The following ART4 variants were observed in gnomAD, a reference collection of about 807,000 sequenced individuals.
The protein encoded by ART4 is ADP-ribosyltransferase 4 (inactive) (Dombrock blood group), also known as ecto-ADP-ribosyltransferase 4.
ART4 carries 14 observed loss-of-function variants against 24.2 expected under a neutral mutation model. The ratio of observed to expected loss-of-function variants is 0.58; its 90% CI spans 0.38 to 0.90. The LOEUF (loss-of-function observed/expected upper bound fraction) is 0.90. ART4 is among the 40% of genes least tolerant of loss of function. The pLI is 0.00. For missense variants in ART4, 356 were observed against 366.6 expected, an observed-to-expected ratio of 0.97 and a Z score of 0.24; for synonymous variants, 145 against 139.9, an observed-to-expected ratio of 1.04 and a Z score of -0.26.
intron 1 of ART4, among the ~76,000 whole-genome samples, chr12:14,841,950 C>G (rs1008698422): frequency 1.1e-4 from 16 of 152,194 alleles, no homozygotes; most frequent in Admixed American, 2.0e-4. Context: ...CCCATGTTAC[C>G]AGTCAAGTAC....
chr12:14,835,291 G>A (rs190090326), intron 2 of ART4, among the ~76,000 whole-genome samples: 260 of 152,290 alleles, frequency 1.7e-3, no homozygotes, highest in Non-Finnish European at 2.9e-3. Context: ...CCTAGGCTGG[G>A]GTTAGTGGAG....
intron 2 of ART4, among the ~76,000 whole-genome samples, chr12:14,838,036 C>G (rs868091988): frequency 6.6e-6 from 1 of 152,094 alleles, no homozygotes; most frequent in African/African-American, 2.4e-5. Context: ...AGTTCCTGCC[C>G]CCAGGGAGCT....
chr12:14,832,662 T>C (rs1950404568), intron 2 of ART4, among the ~76,000 whole-genome samples: 1 of 152,228 alleles, frequency 6.6e-6, no homozygotes, highest in Non-Finnish European at 1.5e-5. Flanking sequence ...CAATAAATAC[T>C]GATTTGTTGA....
intron 2 of ART4, among the ~76,000 whole-genome samples, chr12:14,839,302 C>G (rs1363846063): frequency 6.6e-6 from 1 of 152,200 alleles, no homozygotes; most frequent in Non-Finnish European, 1.5e-5. Context: ...CACCAGCCAT[C>G]CAGAATTTCA....
Position 14,843,164 on chromosome 12 carries a change from A to G in ART4, c.-51T>C, listed in dbSNP as rs745325852. 2 of 1,606,732 alleles carry G rather than the reference A, an allele frequency of 1.2e-6. No homozygotes were observed. The highest frequency in any genetic ancestry group is 2.7e-5 in the African/African-American group (2 of 74,756). Reference sequence around the variant, plus strand: ...TTTGCCCTTGCAGCTTCATCCTGAGATGAATTCTCAGAGTTCTCCTTTGAG... The same window carrying G: ...TTTGCCCTTGCAGCTTCATCCTGAGGTGAATTCTCAGAGTTCTCCTTTGAG... On this transcript the variant is annotated 5_prime_UTR_variant, in exon 1 of 3. Coordinates refer to ENST00000228936, the MANE Select transcript of ART4 (RefSeq NM_021071.4).
rs1203351836 is a variant in ART4, at chr12:14,843,292, C to T, written c.-179G>A. On this transcript the variant is annotated 5_prime_UTR_variant, in exon 1 of 3. Coordinates refer to ENST00000228936, the MANE Select transcript of ART4 (RefSeq NM_021071.4). ...TAGCTTGTCTGAGGGAAGAAATCAA[C>T]TCCGACTTCTTTGCAAAACTGAAAT... The T allele has an allele frequency of 3.1e-6, 2 of 653,238 alleles. No individual in the cohort carries two copies. Among genetic ancestry groups the T allele is most frequent in the Non-Finnish European group, 2.5e-6 (1 of 395,752 alleles). The allele number at this position is 653,238 out of a possible 1,614,324, so 40.5% of individuals were successfully genotyped here.
intron 2 of ART4, among the ~76,000 whole-genome samples, chr12:14,836,761 C>T (rs555562997): frequency 2.0e-5 from 3 of 152,280 alleles, no homozygotes; most frequent in Non-Finnish European, 4.4e-5. Flanking sequence ...TATTCCTCTC[C>T]TTCTTTTACC....
intron 1 of ART4, among the ~76,000 whole-genome samples, chr12:14,842,323 A>G (rs890412797): frequency 2.6e-5 from 4 of 152,194 alleles, no homozygotes; most frequent in African/African-American, 7.2e-5. Flanking sequence ...AGAACATCCC[A>G]TTTGGTATTT....
chr12:14,837,759 C>T (rs994928435), intron 2 of ART4, among the ~76,000 whole-genome samples: 2 of 152,188 alleles, frequency 1.3e-5, no homozygotes, highest in South Asian at 2.1e-4. Context: ...AATTGATCCA[C>T]CCACCTCGGC....
At chr12:14,836,508 T>C (rs182802218) in intron 2 of ART4, among the ~76,000 whole-genome samples, 3 of 152,344 alleles carry the variant, frequency 2.0e-5, no homozygotes, top group Admixed American at 1.3e-4. Context: ...TAGGAATTCT[T>C]TATCTCTGGA....
Position 14,840,932 on chromosome 12 carries a change from A to G in ART4, c.366T>C (p.Ala122=), listed in dbSNP as rs773617232. ...TGCTGTTCAATGTATAAAACAAAAT[A>G]GCCACAGCGTGTGTGGTAGTCATGT... is the stretch of plus-strand genomic sequence containing the variant. The part of the protein sequence containing the change: ...PQNMTTTHAV[A]ILFYTLNSNV... The change falls in exon 2 of 3, where the codon GCT becomes GCC. Residue 122 remains alanine (A), a synonymous_variant. Transcript: ENST00000228936. 16 of 1,614,106 alleles carry G rather than the reference A, an allele frequency of 9.9e-6. No homozygotes were observed. The highest frequency in any genetic ancestry group is 3.3e-4 in the Middle Eastern group (2 of 6,084).
chr12:14,837,792 G>A (rs965207398), intron 2 of ART4, among the ~76,000 whole-genome samples: 1 of 152,160 alleles, frequency 6.6e-6, no homozygotes, highest in African/African-American at 2.4e-5. Context: ...TGGGATTACG[G>A]GTGTGAGCCA....
At chr12:14,829,803 C>T (rs1276038426) in intron 2 of ART4, among the ~76,000 whole-genome samples, 1 of 152,162 alleles carries the variant, frequency 6.6e-6, no homozygotes, top group African/African-American at 2.4e-5. Context: ...TGAAAGTTAA[C>T]ACAGACTGAA....
At position 14,829,400 on chromosome 12, in the gene ART4, C is replaced by T; in HGVS notation, c.916G>A (p.Val306Ile). The T allele has an allele frequency of 6.2e-7, 1 of 1,606,310 alleles. No individual in the cohort carries two copies. Among genetic ancestry groups the T allele is most frequent in the Non-Finnish European group, 8.5e-7 (1 of 1,176,920 alleles). ...ACTCTGCTTTTGGAAAAGATGATGA[C>T]ACTGGTCAAAAAGGAGAGAGATGCA... Reference protein sequence around the residue: ...AIASLSFLTSVIIFSKSRV With the variant: ...AIASLSFLTSIIIFSKSRV Residue 306 changes from valine (V) to isoleucine (I), a missense_variant, in exon 3 of 3, where the codon GTC becomes ATC. Physicochemically the swap from Val to Ile is conservative, Grantham distance 29 (BLOSUM62 3). Transcript: ENST00000228936.
intron 1 of ART4, among the ~76,000 whole-genome samples, chr12:14,842,264 G>A (rs1240354899): frequency 6.6e-6 from 1 of 152,136 alleles, no homozygotes; most frequent in African/African-American, 2.4e-5. Context: ...CATGTTAAAG[G>A]ATCACATTCC....
rs1237490603 is a variant in ART4, at chr12:14,826,472, G to C, written c.*2899C>G. 6.6e-6 allele frequency: 1 copy of C among 152,188 alleles called. No individual in the cohort carries two copies. The highest frequency in any genetic ancestry group is 1.5e-5 in the Non-Finnish European group (1 of 68,028). 9.4% of individuals were successfully genotyped at this position (152,188 alleles called of 1,614,324 possible). ...TAAAACAGACTGTTCAATTTCTGTA[G>C]TCTGTAGTCTGGGATCAGGCCCTAA... On this transcript the variant is annotated 3_prime_UTR_variant, in exon 3 of 3. Coordinates refer to ENST00000228936, the MANE Select transcript of ART4 (RefSeq NM_021071.4).
chr12:14,828,826 G>C lies in ART4; in HGVS notation c.*545C>G, dbSNP rs1290566306. 6.6e-6 allele frequency: 1 copy of C among 152,182 alleles called. No individual in the cohort carries two copies. The highest frequency in any genetic ancestry group is 2.4e-5 in the African/African-American group (1 of 41,410). 9.4% of individuals were successfully genotyped at this position (152,182 alleles called of 1,614,324 possible). On this transcript the variant is annotated 3_prime_UTR_variant, in exon 3 of 3. Transcript: ENST00000228936. ...GGTCTCAGTTTCTTTTCACTTATCA[G>C]CTCTTCCTTTGTTGTGTTAGATCCT...
In ART4 at chr12:14,842,960, G is replaced by A. The variant is rs772938577; in HGVS notation, c.144+10C>T. 32 of 1,607,800 alleles carry A rather than the reference G, an allele frequency of 2.0e-5. No individual in the cohort carries two copies. Among genetic ancestry groups the A allele is most frequent in the South Asian group, 1.6e-4 (14 of 90,228 alleles). Reference sequence around the variant, plus strand: ...TCATAAAGAGATCACCCCCTCAATTGTCCCCCTACCTCAGAACCCTCTGTG... The same window carrying A: ...TCATAAAGAGATCACCCCCTCAATTATCCCCCTACCTCAGAACCCTCTGTG... On this transcript the variant is annotated intron_variant, in intron 1 of 2. Coordinates refer to ENST00000228936, the MANE Select transcript of ART4 (RefSeq NM_021071.4).
At chr12:14,830,950 T>G (rs1443634826) in intron 2 of ART4, among the ~76,000 whole-genome samples, 3 of 142,920 alleles carry the variant, frequency 2.1e-5, no homozygotes, top group African/African-American at 5.0e-5. Flanking sequence ...ACGATTTTTG[T>G]TTTTTTTTCC....
Sources: allele counts gnomAD v4.1 joint callset (sites outside exome capture counted in the v4.1 genomes callset), GRCh38; gene constraint gnomAD v4.1.1; transcripts MANE v1.5; gene names NCBI Gene and HGNC (gene_info 2026-07-23, HGNC 2026-07-21).